MTMR2: variants seen among roughly 807,000 people sequenced by gnomAD.
The protein encoded by MTMR2 is myotubularin related protein 2, also known as phosphatidylinositol-3,5-bisphosphate 3-phosphatase MTMR2.
A neutral mutation model predicts 86.9 loss-of-function variants in MTMR2; 55 were observed. That is an observed-to-expected ratio of 0.63 (90% confidence interval 0.51 to 0.79). MTMR2 has a LOEUF of 0.79. Ranked by LOEUF, MTMR2 falls within the 30% of genes least tolerant of loss-of-function variation. The pLI is 0.00. For synonymous variants in MTMR2, 241 were observed against 266.8 expected (o/e 0.90, Z 0.94); for missense variants, 659 against 772.3 (o/e 0.85, Z 1.74).
At chr11:95,882,655 T>C (rs2135534272) in intron 2 of MTMR2, among the ~76,000 whole-genome samples, 1 of 151,956 alleles carries the variant, frequency 6.6e-6, no homozygotes, top group East Asian at 1.9e-4. Flanking sequence ...GAACAAAACA[T>C]ATCCTTTATC....
At chr11:95,843,647 T>C (rs981223204) in intron 11 of MTMR2, among the ~76,000 whole-genome samples, 2 of 152,218 alleles carry the variant, frequency 1.3e-5, no homozygotes, top group Admixed American at 1.3e-4. Context: ...AAGGTAAAAA[T>C]AGATATAAAA....
chr11:95,850,329 A>G (rs1863969081), intron 8 of MTMR2, among the ~76,000 whole-genome samples: 1 of 152,160 alleles, frequency 6.6e-6, no homozygotes, highest in Admixed American at 6.5e-5. Flanking sequence ...AATAAGATAA[A>G]TAAATAGTGA....
chr11:95,914,991 A>G (rs1324737497), intron 1 of MTMR2, among the ~76,000 whole-genome samples: 1 of 152,200 alleles, frequency 6.6e-6, no homozygotes, highest in Non-Finnish European at 1.5e-5. Flanking sequence ...AGCATGCAAT[A>G]AATGTTGTGC....
At chr11:95,867,803 A>G (rs1864670877) in intron 2 of MTMR2, among the ~76,000 whole-genome samples, 1 of 125,730 alleles carries the variant, frequency 8.0e-6, no homozygotes, top group Non-Finnish European at 1.7e-5. Flanking sequence ...GAGACTAGGA[A>G]AAAAAAGGCC....
chr11:95,921,291 T>C (rs1019320839), intron 1 of MTMR2, among the ~76,000 whole-genome samples: 3 of 152,204 alleles, frequency 2.0e-5, no homozygotes, highest in Non-Finnish European at 4.4e-5. Flanking sequence ...GCCAGAGATA[T>C]CAAAACAAAT....
intron 1 of MTMR2, among the ~76,000 whole-genome samples, chr11:95,897,727 A>T (rs1370407486): frequency 2.2e-4 from 33 of 152,134 alleles, no homozygotes; most frequent in Non-Finnish European, 2.9e-5. Context: ...ACAATAATTT[A>T]AGAGAGAGAG....
chr11:95,874,050 G>A (rs928002240), intron 2 of MTMR2, among the ~76,000 whole-genome samples: 3 of 152,172 alleles, frequency 2.0e-5, no homozygotes, highest in African/African-American at 7.2e-5. Context: ...GTGGTGTGGT[G>A]CTGAAAAGAA....
intron 1 of MTMR2, among the ~76,000 whole-genome samples, chr11:95,891,751 T>C (rs1865721482): frequency 6.6e-6 from 1 of 152,120 alleles, no homozygotes; most frequent in African/African-American, 2.4e-5. Context: ...CAGGCAAATA[T>C]TGAACTGGAG....
At chr11:95,844,537 G>T (rs1040027268) in intron 11 of MTMR2, among the ~76,000 whole-genome samples, 2 of 152,078 alleles carry the variant, frequency 1.3e-5, no homozygotes, top group Non-Finnish European at 2.9e-5. Context: ...TGGGAACCAA[G>T]CCCCCACATA....
At chr11:95,858,495 A>G (rs1474994584) in intron 6 of MTMR2, 36 bp downstream of exon 6, 3 of 1,404,290 alleles carry the variant, frequency 2.1e-6, no homozygotes, top group South Asian at 1.2e-5. Context: ...ATCAATAATT[A>G]TAGCACAAAT....
intron 2 of MTMR2, among the ~76,000 whole-genome samples, chr11:95,877,331 C>CTT (rs1565368414): frequency 0.033 from 3,147 of 94,180 alleles, 542 homozygotes; most frequent in African/African-American, 0.072. Flanking sequence ...ACAGGGAAGC[C>CTT]CTTTTTTTTT....
intron 1 of MTMR2, among the ~76,000 whole-genome samples, chr11:95,914,820 C>A (rs2135625790): frequency 6.6e-6 from 1 of 152,224 alleles, no homozygotes; most frequent in East Asian, 1.9e-4. Context: ...CACACAGACC[C>A]TGAAGTCAAA....
chr11:95,860,096 G>A (rs933265748), intron 5 of MTMR2, among the ~76,000 whole-genome samples: 9 of 151,994 alleles, frequency 5.9e-5, no homozygotes, highest in Admixed American at 3.9e-4. Context: ...CTTTCACATC[G>A]TCTTATATTC....
chr11:95,917,929 T>C (rs1188577944), intron 1 of MTMR2, among the ~76,000 whole-genome samples: 2 of 152,216 alleles, frequency 1.3e-5, no homozygotes, highest in South Asian at 2.1e-4. Context: ...TTGTTTCCAC[T>C]AATCTTTCTC....
chr11:95,854,308 A>G (rs1864131010), intron 7 of MTMR2, among the ~76,000 whole-genome samples: 1 of 152,214 alleles, frequency 6.6e-6, no homozygotes, highest in African/African-American at 2.4e-5. Flanking sequence ...AGTTTATTAT[A>G]CAAACAAACT....
At chr11:95,913,661 A>G (rs1285145218) in intron 1 of MTMR2, among the ~76,000 whole-genome samples, 7 of 152,158 alleles carry the variant, frequency 4.6e-5, no homozygotes, top group Admixed American at 1.3e-4. Flanking sequence ...AATTCATTTC[A>G]GCACCAAGCT....
intron 11 of MTMR2, among the ~76,000 whole-genome samples, chr11:95,842,999 A>G (rs1240569256): frequency 6.6e-6 from 1 of 152,148 alleles, no homozygotes; most frequent in Non-Finnish European, 1.5e-5. Flanking sequence ...TGCATGTAGT[A>G]TGGTAGGAGA....
At chr11:95,908,142 A>G (rs551302947) in intron 1 of MTMR2, among the ~76,000 whole-genome samples, 3 of 152,296 alleles carry the variant, frequency 2.0e-5, no homozygotes, top group African/African-American at 7.2e-5. Context: ...CAACTTCAGC[A>G]AAGTTTCAGG....
intron 5 of MTMR2, among the ~76,000 whole-genome samples, chr11:95,861,383 A>T (rs113040215): frequency 0.035 from 5,138 of 147,458 alleles, 136 homozygotes; most frequent in South Asian, 0.091. Context: ...TCCTATCAGT[A>T]CTATGTGCAT....
Sources: allele counts gnomAD v4.1 joint callset (sites outside exome capture counted in the v4.1 genomes callset), GRCh38; gene constraint gnomAD v4.1.1; transcripts MANE v1.5; gene names NCBI Gene and HGNC (gene_info 2026-07-23, HGNC 2026-07-21).